GHR: variants seen among roughly 807,000 people sequenced by gnomAD.
The protein encoded by GHR is growth hormone receptor, also known as GH receptor.
A neutral mutation model predicts 67.1 loss-of-function variants in GHR; 35 were observed. That is an observed-to-expected ratio of 0.52 (90% CI 0.40 to 0.69). The LOEUF (loss-of-function observed/expected upper bound fraction) is 0.69, where lower values mean the gene tolerates loss of function less well. Among genes scored for constraint, GHR ranks in the 30% least tolerant of loss-of-function variants. GHR has a pLI of 0.00. For synonymous variants in GHR, 272 were observed against 269.1 expected (o/e 1.01, Z -0.10); for missense variants, 792 against 764.6 (o/e 1.04, Z -0.42).
chr5:42,436,789 T>G (rs1238655301), intron 1 of GHR, among the ~76,000 whole-genome samples: 1 of 152,224 alleles, frequency 6.6e-6, no homozygotes, highest in Non-Finnish European at 1.5e-5. Flanking sequence ...TTGACTAATC[T>G]TTATGTTTTG....
intron 2 of GHR, among the ~76,000 whole-genome samples, chr5:42,602,454 C>T (rs1294433687): frequency 6.6e-6 from 1 of 152,172 alleles, no homozygotes; most frequent in Non-Finnish European, 1.5e-5. Context: ...GATCTTCATT[C>T]TTTACCCATT....
chr5:42,513,437 T>C (rs1468080122), intron 1 of GHR, among the ~76,000 whole-genome samples: 1 of 152,082 alleles, frequency 6.6e-6, no homozygotes, highest in Non-Finnish European at 1.5e-5. Context: ...GGAGAGGAAA[T>C]AGATGAGATG....
At chr5:42,568,248 G>C (rs956665887) in intron 2 of GHR, among the ~76,000 whole-genome samples, 1 of 152,078 alleles carries the variant, frequency 6.6e-6, no homozygotes, top group African/African-American at 2.4e-5. Flanking sequence ...AAATCTAATT[G>C]CCCTGTGGGA....
At chr5:42,708,519 T>C (rs1758292594) in intron 6 of GHR, among the ~76,000 whole-genome samples, 1 of 152,184 alleles carries the variant, frequency 6.6e-6, no homozygotes, top group Non-Finnish European at 1.5e-5. Flanking sequence ...AATTTTTTCA[T>C]TTCAATTTCT....
intron 1 of GHR, among the ~76,000 whole-genome samples, chr5:42,521,353 AG>A: frequency 6.6e-6 from 1 of 152,222 alleles, no homozygotes; most frequent in Non-Finnish European, 1.5e-5. Context: ...TTCAGGTTAC[AG>A]GATGGCATCT....
chr5:42,557,232 T>C (rs922965528), intron 1 of GHR, among the ~76,000 whole-genome samples: 6 of 152,196 alleles, frequency 3.9e-5, no homozygotes, highest in African/African-American at 1.4e-4. Context: ...TCCTAGGAGA[T>C]ATACACTTTA....
chr5:42,686,263 G>A (rs1344188336), intron 3 of GHR, among the ~76,000 whole-genome samples: 2 of 152,094 alleles, frequency 1.3e-5, no homozygotes, highest in African/African-American at 4.8e-5. Context: ...GATGTGTGGT[G>A]TTATTTCTGA....
At chr5:42,500,482 T>C (rs1746495768) in intron 1 of GHR, among the ~76,000 whole-genome samples, 1 of 152,230 alleles carries the variant, frequency 6.6e-6, no homozygotes, top group Admixed American at 6.5e-5. Flanking sequence ...GTTACGAGGA[T>C]AAAATCAATA....
At chr5:42,431,721 T>A (rs1206827071) in intron 1 of GHR, among the ~76,000 whole-genome samples, 1 of 152,208 alleles carries the variant, frequency 6.6e-6, no homozygotes, top group Non-Finnish European at 1.5e-5. Flanking sequence ...ACTTCTTAGG[T>A]TGTGAATTTG....
At chr5:42,671,101 G>A (rs552620240) in intron 3 of GHR, among the ~76,000 whole-genome samples, 1 of 152,148 alleles carries the variant, frequency 6.6e-6, no homozygotes, top group South Asian at 2.1e-4. Flanking sequence ...GTGTTAGGGT[G>A]TTCTAGCATG....
intron 2 of GHR, among the ~76,000 whole-genome samples, chr5:42,605,090 CTTTTTTTTTT>C (rs57499086): frequency 1.1e-5 from 1 of 90,070 alleles, no homozygotes; most frequent in African/African-American, 4.9e-5. Flanking sequence ...TGTGGTGCCT[CTTTTTTTTTT>C]TTTTTTTTTT....
chr5:42,482,565 T>A (rs1745694822), intron 1 of GHR, among the ~76,000 whole-genome samples: 1 of 152,166 alleles, frequency 6.6e-6, no homozygotes, highest in South Asian at 2.1e-4. Flanking sequence ...ATTTACCTAA[T>A]CAAGTCTCAG....
intron 3 of GHR, among the ~76,000 whole-genome samples, chr5:42,649,069 G>A (rs115458740): frequency 0.011 from 1,750 of 152,230 alleles, 41 homozygotes; most frequent in African/African-American, 0.041. Flanking sequence ...CACCTCAGAA[G>A]CCTAACTGGA....
At chr5:42,506,740 A>G (rs566841231) in intron 1 of GHR, among the ~76,000 whole-genome samples, 1 of 152,288 alleles carries the variant, frequency 6.6e-6, no homozygotes, top group Admixed American at 6.5e-5. Flanking sequence ...CCTTTTAGAT[A>G]AGAGCCTATT....
At chr5:42,482,195 G>A (rs577256629) in intron 1 of GHR, among the ~76,000 whole-genome samples, 206 of 152,222 alleles carry the variant, frequency 1.4e-3, no homozygotes, top group African/African-American at 3.2e-3. Flanking sequence ...GAAGAACAGC[G>A]GATATTGGTG....
At chr5:42,677,942 C>T (rs764133936) in intron 3 of GHR, among the ~76,000 whole-genome samples, 1 of 152,160 alleles carries the variant, frequency 6.6e-6, no homozygotes, top group Non-Finnish European at 1.5e-5. Flanking sequence ...ATCATTTGCT[C>T]TTCCTAGGTA....
At chr5:42,437,704 C>A (rs1207240377) in intron 1 of GHR, among the ~76,000 whole-genome samples, 1 of 151,636 alleles carries the variant, frequency 6.6e-6, no homozygotes, top group Non-Finnish European at 1.5e-5. Context: ...CAGGCCACCA[C>A]GCCCAGCTAA....
intron 1 of GHR, among the ~76,000 whole-genome samples, chr5:42,521,615 G>A (rs866281457): frequency 5.3e-5 from 8 of 152,126 alleles, no homozygotes; most frequent in Admixed American, 2.0e-4. Context: ...CTGCCAAAGA[G>A]CCCATCTACT....
At chr5:42,533,602 C>T (rs1748075545) in intron 1 of GHR, among the ~76,000 whole-genome samples, 1 of 151,634 alleles carries the variant, frequency 6.6e-6, no homozygotes, top group African/African-American at 2.4e-5. Context: ...CTTTGTTTCA[C>T]CCGGAATTTT....
Sources: gnomAD v4.1 joint callset for allele counts (sites outside exome capture counted in the v4.1 genomes callset) on GRCh38, gnomAD v4.1.1 for gene constraint, MANE v1.5 for transcripts, NCBI Gene and HGNC (gene_info 2026-07-23, HGNC 2026-07-21) for gene names.